Variants in CNTNAP5 observed in about 807,000 individuals in gnomAD.
CNTNAP5 encodes the protein contactin associated protein family member 5.
CNTNAP5 carries 72 observed loss-of-function variants against 150.2 expected under a neutral mutation model. That is an observed-to-expected ratio of 0.48 (90% CI 0.40 to 0.58). The LOEUF (loss-of-function observed/expected upper bound fraction) is 0.58. CNTNAP5 is among the 20% of genes least tolerant of loss of function. The probability of loss-of-function intolerance (pLI) is 0.00; values close to 1 mark genes in which losing one functional copy is unlikely to be tolerated. For synonymous variants in CNTNAP5, 672 were observed against 619.8 expected (o/e 1.08, Z -1.25); for missense variants, 1,636 against 1,626.2 (o/e 1.01, Z -0.10).
rs886782036 is a variant in CNTNAP5 at position 124,918,319 on chromosome 2, C to T, written c.*4031C>T. On this transcript the variant is annotated 3_prime_UTR_variant, in exon 24 of 24. Transcript: ENST00000682447. ...TAAAACCCTCCTTAGTCCTGATGAG[C>T]CATTTTGACTCTACATAACATTTCT... Among the ~76,000 whole-genome samples the T allele has an allele frequency of 1.2e-4, 18 of 152,146 alleles. No homozygotes were observed. Among genetic ancestry groups the T allele is most frequent in the Admixed American group, 1.2e-3 (18 of 15,252 alleles).
At chr2:124,737,983 A>G (rs1167260320) in intron 13 of CNTNAP5, among the ~76,000 whole-genome samples, 3 of 152,214 alleles carry the variant, frequency 2.0e-5, no homozygotes, top group African/African-American at 7.2e-5. Context: ...TGTTTTTATT[A>G]GTATCATGAG....
intron 17 of CNTNAP5, among the ~76,000 whole-genome samples, chr2:124,773,897 C>T (rs1249009964): frequency 7.3e-6 from 1 of 136,506 alleles, no homozygotes; most frequent in Non-Finnish European, 1.5e-5. Flanking sequence ...TTTTGTTAAA[C>T]ATAAGGGAGT....
At chr2:124,291,380 CACTT>C (rs1434203305) in intron 3 of CNTNAP5, among the ~76,000 whole-genome samples, 1 of 151,970 alleles carries the variant, frequency 6.6e-6, no homozygotes, top group Non-Finnish European at 1.5e-5. Context: ...GAAAGATAAA[CACTT>C]AATATTGCTA....
intron 6 of CNTNAP5, among the ~76,000 whole-genome samples, chr2:124,450,705 C>A (rs141431206): frequency 7.8e-4 from 119 of 151,764 alleles, no homozygotes; most frequent in Non-Finnish European, 1.2e-3. Context: ...CAGCCTGGAG[C>A]AGAAGGGCTT....
chr2:124,258,372 G>A (rs1016461904), intron 3 of CNTNAP5, among the ~76,000 whole-genome samples: 3 of 152,136 alleles, frequency 2.0e-5, no homozygotes, highest in South Asian at 2.1e-4. Flanking sequence ...GATTGATGAC[G>A]CTGCTGAGGA....
intron 1 of CNTNAP5, among the ~76,000 whole-genome samples, chr2:124,162,535 C>A (rs995504565): frequency 3.9e-5 from 6 of 152,072 alleles, no homozygotes; most frequent in African/African-American, 1.4e-4. Context: ...GCAGATAAAA[C>A]CCTTATCATT....
intron 1 of CNTNAP5, among the ~76,000 whole-genome samples, chr2:124,130,111 T>C (rs1683810570): frequency 6.6e-6 from 1 of 152,210 alleles, no homozygotes; most frequent in Admixed American, 6.6e-5. Context: ...TTTTCACCAT[T>C]GACAAGGATT....
chr2:124,581,813 C>T (rs1696419716), intron 11 of CNTNAP5, among the ~76,000 whole-genome samples: 1 of 152,142 alleles, frequency 6.6e-6, no homozygotes, highest in Middle Eastern at 3.2e-3. Flanking sequence ...ATTGTATATG[C>T]ACATGACGCA....
intron 3 of CNTNAP5, among the ~76,000 whole-genome samples, chr2:124,386,487 T>A (rs532626758): frequency 6.6e-6 from 1 of 152,234 alleles, no homozygotes; most frequent in African/African-American, 2.4e-5. Context: ...GTCTCTTCCA[T>A]AGTTGAACGG....
chr2:124,734,766 C>T (rs373546755), intron 13 of CNTNAP5, among the ~76,000 whole-genome samples: 8 of 151,996 alleles, frequency 5.3e-5, no homozygotes, highest in African/African-American at 1.4e-4. Context: ...CTAACGCATG[C>T]GATTTGGTAA....
At chr2:124,049,674 G>T (rs544893610) in intron 1 of CNTNAP5, among the ~76,000 whole-genome samples, 1 of 152,094 alleles carries the variant, frequency 6.6e-6, no homozygotes, top group East Asian at 1.9e-4. Context: ...TACCTACCCC[G>T]ATGATTAAGG....
At chr2:124,367,466 C>A (rs1049193117) in intron 3 of CNTNAP5, among the ~76,000 whole-genome samples, 1 of 152,132 alleles carries the variant, frequency 6.6e-6, no homozygotes, top group Admixed American at 6.5e-5. Flanking sequence ...ATGTAGGTAA[C>A]CACCCCCATG....
chr2:124,115,260 T>C (rs1683397607), intron 1 of CNTNAP5, among the ~76,000 whole-genome samples: 1 of 152,184 alleles, frequency 6.6e-6, no homozygotes, highest in Admixed American at 6.6e-5. Context: ...GCTAACACTT[T>C]GCTACAGGTT....
intron 1 of CNTNAP5, among the ~76,000 whole-genome samples, chr2:124,190,291 A>G (rs918878386): frequency 6.6e-6 from 1 of 152,232 alleles, no homozygotes; most frequent in Non-Finnish European, 1.5e-5. Flanking sequence ...CTTCAAGGGT[A>G]GTTAGAGAAG....
chr2:124,573,421 A>G (rs1361706723), intron 11 of CNTNAP5, among the ~76,000 whole-genome samples: 1 of 152,230 alleles, frequency 6.6e-6, no homozygotes, highest in African/African-American at 2.4e-5. Context: ...AGTAAAGCCA[A>G]CTTCAAATAT....
chr2:124,400,680 T>TTTTTG (rs1691393769), intron 3 of CNTNAP5, among the ~76,000 whole-genome samples: 1 of 106,262 alleles, frequency 9.4e-6, no homozygotes, highest in African/African-American at 2.8e-5. Flanking sequence ...TTTTTTTTTT[T>TTTTTG]TTTTTTTTGT....
In CNTNAP5 at chr2:124,888,922, G is replaced by A. The variant is rs558013073; in HGVS notation, c.3437-13960G>A. ...ATTTACCCTGTTGATTTCTTTTGCT[G>A]TGCAGAAGCTCTTTAGTTTAATTGG... On this transcript the variant is annotated intron_variant, in intron 21 of 23. Transcript: ENST00000682447. Among the ~76,000 whole-genome samples, 562 of 151,968 alleles carry A rather than the reference G, an allele frequency of 3.7e-3. 1 individual carries two copies. The highest frequency in any genetic ancestry group is 5.8e-3 in the Non-Finnish European group (393 of 67,986).
chr2:124,155,060 A>C (rs981344040), intron 1 of CNTNAP5, among the ~76,000 whole-genome samples: 2 of 147,732 alleles, frequency 1.4e-5, no homozygotes, highest in South Asian at 2.2e-4. Context: ...CTATTCTCAG[A>C]AGCAAACCAT....
intron 2 of CNTNAP5, among the ~76,000 whole-genome samples, chr2:124,235,064 GA>G (rs888624863): frequency 6.6e-6 from 1 of 152,116 alleles, no homozygotes. Flanking sequence ...AGACAGAGGG[GA>G]AAGCTAGCAA....
Sources: allele counts gnomAD v4.1 joint callset (sites outside exome capture counted in the v4.1 genomes callset), GRCh38; gene constraint gnomAD v4.1.1; transcripts MANE v1.5; gene names NCBI Gene and HGNC (gene_info 2026-07-23, HGNC 2026-07-21).